Variants in CTNNA3 observed in about 807,000 individuals in gnomAD.
CTNNA3 encodes the protein catenin alpha 3.
Under a neutral mutation model 95.7 loss-of-function variants are expected in CTNNA3, and 76 were observed. The ratio of observed to expected loss-of-function variants is 0.79; its 90% CI spans 0.66 to 0.96. The LOEUF is 0.96. Among genes scored for constraint, CTNNA3 ranks in the 40% least tolerant of loss-of-function variants. The pLI is 0.00. For synonymous variants in CTNNA3, 431 were observed against 374.4 expected (o/e 1.15, Z -1.74); for missense variants, 1,191 against 1,089.8 (o/e 1.09, Z -1.31).
chr10:66,778,221 C>G (rs1234972835), intron 7 of CTNNA3, among the ~76,000 whole-genome samples: 1 of 152,144 alleles, frequency 6.6e-6, no homozygotes, highest in Non-Finnish European at 1.5e-5. Context: ...GATCCTTGCT[C>G]TATTTATCTA....
intron 15 of CTNNA3, among the ~76,000 whole-genome samples, chr10:66,047,918 AG>A (rs1198876118): frequency 1.3e-5 from 2 of 152,166 alleles, no homozygotes; most frequent in African/African-American, 4.8e-5. Context: ...ACAGCTAACC[AG>A]GGAGGTGAAA....
intron 7 of CTNNA3, among the ~76,000 whole-genome samples, chr10:67,020,400 C>T (rs751927161): frequency 2.0e-5 from 3 of 152,126 alleles, no homozygotes; most frequent in Non-Finnish European, 4.4e-5. Context: ...ATTATCTTCT[C>T]TTATGAATGG....
chr10:66,693,311 C>T (rs1564623160), intron 9 of CTNNA3, among the ~76,000 whole-genome samples: 1 of 147,178 alleles, frequency 6.8e-6, no homozygotes, highest in Admixed American at 6.7e-5. Flanking sequence ...GGTTGCAATC[C>T]TAGTCTCTGA....
At chr10:66,678,209 T>G (rs1431814142) in intron 9 of CTNNA3, among the ~76,000 whole-genome samples, 1 of 152,008 alleles carries the variant, frequency 6.6e-6, no homozygotes, top group Non-Finnish European at 1.5e-5. Context: ...GTAGGACTAC[T>G]TACCACTAGA....
chr10:67,072,337 G>T (rs1465537450), intron 7 of CTNNA3, among the ~76,000 whole-genome samples: 1 of 151,998 alleles, frequency 6.6e-6, no homozygotes, highest in African/African-American at 2.4e-5. Context: ...TTAAGTCCTT[G>T]CCAGTTACCT....
intron 13 of CTNNA3, among the ~76,000 whole-genome samples, chr10:66,117,618 A>G (rs560214466): frequency 6.6e-6 from 1 of 152,294 alleles, no homozygotes; most frequent in Non-Finnish European, 1.5e-5. Context: ...TAAGCATGCT[A>G]CCAAATGTAG....
intron 4 of CTNNA3, among the ~76,000 whole-genome samples, chr10:67,531,357 C>T (rs1397209586): frequency 6.6e-6 from 1 of 152,172 alleles, no homozygotes; most frequent in Non-Finnish European, 1.5e-5. Flanking sequence ...GAGAGCTGCC[C>T]AAGACCATGG....
intron 7 of CTNNA3, among the ~76,000 whole-genome samples, chr10:66,834,546 AG>A (rs1234333107): frequency 6.6e-6 from 1 of 152,262 alleles, no homozygotes; most frequent in Non-Finnish European, 1.5e-5. Context: ...ACAACTATTG[AG>A]TCACTGAGTG....
chr10:66,100,444 C>T lies in CTNNA3; in HGVS notation c.1977+2713G>A, dbSNP rs146685486. ...TTTATGCAGAGGATATTTATAAGAG[C>T]AGAGAGTAGCCAGGTTGAATATAAT... On this transcript the variant is annotated intron_variant, in intron 14 of 17. Transcript: ENST00000433211. Among the ~76,000 whole-genome samples, 11 of 152,188 alleles carry T rather than the reference C, an allele frequency of 7.2e-5. No individual in the cohort carries two copies. In the East Asian group the frequency reaches 2.1e-3, roughly 29 times the overall value.
At chr10:66,647,246 T>G (rs1845737861) in intron 9 of CTNNA3, among the ~76,000 whole-genome samples, 1 of 152,140 alleles carries the variant, frequency 6.6e-6, no homozygotes, top group African/African-American at 2.4e-5. Flanking sequence ...TCTGTTCATC[T>G]AATCATTCCA....
chr10:65,932,292 C>T (rs1326099762), intron 17 of CTNNA3, among the ~76,000 whole-genome samples: 1 of 152,150 alleles, frequency 6.6e-6, no homozygotes, highest in Admixed American at 6.5e-5. Context: ...ATTGTCATTA[C>T]TATGATTGTC....
At chr10:67,291,297 C>T (rs1438626587) in intron 5 of CTNNA3, among the ~76,000 whole-genome samples, 1 of 152,148 alleles carries the variant, frequency 6.6e-6, no homozygotes, top group Admixed American at 6.6e-5. Context: ...AGTGACACAG[C>T]TGGTGTTAAC....
intron 9 of CTNNA3, among the ~76,000 whole-genome samples, chr10:66,638,875 A>G (rs1230540731): frequency 1.3e-5 from 2 of 151,498 alleles, no homozygotes; most frequent in Non-Finnish European, 2.9e-5. Context: ...AAAATCCCTC[A>G]TACTTTTCCT....
chr10:67,750,774 C>T, intron 1 of CTNNA3: 1 of 1,605,722 alleles, frequency 6.2e-7, no homozygotes, highest in Admixed American at 1.7e-5. Flanking sequence ...ATTTCAACCA[C>T]TTCCAGATAG....
At chr10:67,725,960 AAT>A (rs201690828) in intron 1 of CTNNA3, among the ~76,000 whole-genome samples, 14,413 of 139,066 alleles carry the variant, frequency 0.1, 1,021 homozygotes, top group African/African-American at 0.2. Flanking sequence ...ATGTATATAT[AAT>A]ATATATGTAA....
chr10:66,834,846 T>C (rs1842837574), intron 7 of CTNNA3, among the ~76,000 whole-genome samples: 1 of 152,174 alleles, frequency 6.6e-6, no homozygotes, highest in African/African-American at 2.4e-5. Flanking sequence ...TCTTATTCTG[T>C]TGTGGAGAGT....
At chr10:66,209,395 G>C (rs913340024) in intron 13 of CTNNA3, among the ~76,000 whole-genome samples, 1 of 152,184 alleles carries the variant, frequency 6.6e-6, no homozygotes, top group Admixed American at 6.5e-5. Context: ...ATGGGAGTCA[G>C]TTACAATTTT....
chr10:67,312,318 G>A (rs1418076972), intron 5 of CTNNA3, among the ~76,000 whole-genome samples: 1 of 152,114 alleles, frequency 6.6e-6, no homozygotes, highest in Non-Finnish European at 1.5e-5. Context: ...TGATCTGCCT[G>A]CCTTGGCCTC....
chr10:67,234,501 T>A (rs1311809750), intron 5 of CTNNA3, among the ~76,000 whole-genome samples: 1 of 152,212 alleles, frequency 6.6e-6, no homozygotes, highest in Admixed American at 6.5e-5. Flanking sequence ...TAGGTATTGA[T>A]GGGGCGTATT....
Sources: gnomAD v4.1 joint callset for allele counts (sites outside exome capture counted in the v4.1 genomes callset) on GRCh38, gnomAD v4.1.1 for gene constraint, MANE v1.5 for transcripts, NCBI Gene and HGNC (gene_info 2026-07-23, HGNC 2026-07-21) for gene names.